Variants in FARP1 observed in about 807,000 individuals in gnomAD.
The protein encoded by FARP1 is FERM, ARHGEF and pleckstrin domain-containing protein 1.
FARP1 carries 52 observed loss-of-function variants against 128.8 expected under a neutral mutation model. That is an observed-to-expected ratio of 0.40 (90% CI 0.32 to 0.51). FARP1 has a LOEUF of 0.51. Ranked by LOEUF, FARP1 falls within the 20% of genes least tolerant of loss-of-function variation. The probability of loss-of-function intolerance (pLI) is 0.45; values close to 1 mark genes in which losing one functional copy is unlikely to be tolerated. For missense variants in FARP1, 1,333 were observed against 1,367.9 expected (o/e 0.97, Z 0.40); for synonymous variants, 580 against 551.8 (o/e 1.05, Z -0.72).
At chr13:98,444,396 C>CA (rs1892690584) in intron 24 of FARP1, among the ~76,000 whole-genome samples, 1 of 152,056 alleles carries the variant, frequency 6.6e-6, no homozygotes, top group Non-Finnish European at 1.5e-5. Context: ...GCGGTGGCCC[C>CA]AATGAAGGGC....
intron 19 of FARP1, 131 bp from the exon 20 acceptor site, chr13:98,438,673 G>A (rs539066398): frequency 9.8e-5 from 69 of 701,590 alleles, no homozygotes; most frequent in Non-Finnish European, 1.6e-4. Flanking sequence ...CTCGCAGTCC[G>A]TTCTTGGGGT....
In FARP1 at chr13:98,385,742, G is replaced by A; in HGVS notation, c.687G>A (p.Leu229=). 1.9e-6 allele frequency: 3 copies of A among 1,614,174 alleles called. No individual in the cohort carries two copies. The highest frequency in any genetic ancestry group is 2.5e-6 in the Non-Finnish European group (3 of 1,180,032). ...GGCTAGAGATGTATGGAATCCGGTT[G>A]CACCCGGCCAAGGACAGGGAAGGCA... The part of the protein sequence containing the change: ...ARRLEMYGIR[L]HPAKDREGTK... Residue 229 remains leucine (L), a synonymous_variant, in exon 8 of 27, where the codon TTG becomes TTA. Transcript: ENST00000319562.
At chr13:98,172,500 A>G (rs1389730985) in intron 1 of FARP1, among the ~76,000 whole-genome samples, 5 of 151,984 alleles carry the variant, frequency 3.3e-5, no homozygotes, top group Non-Finnish European at 7.4e-5. Flanking sequence ...CTAGCATAGC[A>G]CCCTTAAAAT....
At chr13:98,320,255 A>G (rs1055121682) in intron 2 of FARP1, among the ~76,000 whole-genome samples, 10 of 152,294 alleles carry the variant, frequency 6.6e-5, no homozygotes, top group African/African-American at 2.4e-4. Context: ...GTTCCTGAAA[A>G]GGTACCTGAT....
At chr13:98,426,401 G>A (rs923299408) in intron 17 of FARP1, among the ~76,000 whole-genome samples, 2 of 152,130 alleles carry the variant, frequency 1.3e-5, no homozygotes, top group African/African-American at 2.4e-5. Flanking sequence ...GAGGGGAGAG[G>A]ATCACTTGAG....
chr13:98,404,134 A>C (rs1353392605), intron 13 of FARP1: 1 of 152,126 alleles, frequency 6.6e-6, no homozygotes, highest in Admixed American at 6.6e-5. Context: ...TAGCACATTC[A>C]TTTTTCCATT....
intron 3 of FARP1, among the ~76,000 whole-genome samples, chr13:98,361,824 ATGT>A (rs1442758457): frequency 1.3e-5 from 2 of 151,970 alleles, no homozygotes; most frequent in Admixed American, 1.3e-4. Context: ...ATCCCTTAGG[ATGT>A]TGTTTCCATC....
chr13:98,392,499 C>T (rs1355912066), intron 11 of FARP1, among the ~76,000 whole-genome samples: 1 of 145,342 alleles, frequency 6.9e-6, no homozygotes, highest in East Asian at 1.9e-4. Flanking sequence ...AGATCCTGTC[C>T]CAAAAAAAAA....
chr13:98,210,796 G>A (rs1379409001), intron 1 of FARP1, among the ~76,000 whole-genome samples: 11 of 152,212 alleles, frequency 7.2e-5, no homozygotes, highest in South Asian at 2.1e-4. Flanking sequence ...TGATCTGCCC[G>A]CCTCAGCCTC....
At position 98,453,275 on chromosome 13, in the gene FARP1, T is replaced by G; in HGVS notation, c.*4958T>G. 2 of 1,513,506 alleles carry G rather than the reference T, an allele frequency of 1.3e-6. No individual in the cohort carries two copies. Among genetic ancestry groups the G allele is most frequent in the African/African-American group, 1.4e-5 (1 of 71,478 alleles). 93.8% of individuals were successfully genotyped at this position (1,513,506 alleles called of 1,614,324 possible). The stretch of plus-strand genomic sequence containing the variant: ...TCTCATCCCTGTGCAAAAATTCATA[T>G]AGTAACCAAAATCTTAGTTTTCATA... On this transcript the variant is annotated 3_prime_UTR_variant, in exon 27 of 27. Coordinates refer to ENST00000319562, the MANE Select transcript of FARP1 (RefSeq NM_005766.4).
At chr13:98,159,199 G>T (rs545329704) in intron 1 of FARP1, among the ~76,000 whole-genome samples, 1 of 152,278 alleles carries the variant, frequency 6.6e-6, no homozygotes, top group South Asian at 2.1e-4. Flanking sequence ...CTATTATCAT[G>T]CTAGGCACTG....
chr13:98,149,053 AT>A (rs923187529), intron 1 of FARP1, among the ~76,000 whole-genome samples: 23 of 151,846 alleles, frequency 1.5e-4, no homozygotes, highest in African/African-American at 5.5e-4. Context: ...CACTTGGCTC[AT>A]TTTTTGTATT....
chr13:98,308,490 C>T lies in FARP1; in HGVS notation c.172-35272C>T, dbSNP rs1400787895. ...AAGATGAGGTCAGAGGCTGGAGCCG[C>T]TGTCCAGGACAGCCTGACGAGCCAC... On this transcript the variant is annotated intron_variant, in intron 2 of 26. Coordinates refer to ENST00000319562, the MANE Select transcript of FARP1 (RefSeq NM_005766.4). Among the ~76,000 whole-genome samples the T allele has an allele frequency of 2.0e-5, 3 of 152,162 alleles. No homozygotes were observed. The East Asian group carries it at 5.8e-4, about 29-fold the overall frequency.
chr13:98,350,008 G>A (rs1888347943), intron 3 of FARP1, among the ~76,000 whole-genome samples: 1 of 152,284 alleles, frequency 6.6e-6, no homozygotes, highest in African/African-American at 2.4e-5. Flanking sequence ...CCTCTGAGGT[G>A]AGGAGGAGCT....
chr13:98,402,820 G>T (rs372294633), intron 13 of FARP1: 8 of 142,414 alleles, frequency 5.6e-5, no homozygotes, highest in Non-Finnish European at 9.5e-5. Flanking sequence ...CTCTCTGTGT[G>T]TATATTTAAT....
At chr13:98,171,851 CCATT>C (rs2139166382) in intron 1 of FARP1, among the ~76,000 whole-genome samples, 1 of 152,218 alleles carries the variant, frequency 6.6e-6, no homozygotes, top group East Asian at 1.9e-4. Context: ...TTTGAGTTGA[CCATT>C]CAGACTTGTG....
rs75434218 is a variant in FARP1 at position 98,150,784 on chromosome 13, G to T, written c.-24+7292G>T. ...CTATAGAGGAAGAAAAAAATTGCCTGCTTAATTTGAAAATATAAGCAAAAA... is the reference window on the plus strand; with the variant it reads ...CTATAGAGGAAGAAAAAAATTGCCTTCTTAATTTGAAAATATAAGCAAAAA... On this transcript the variant is annotated intron_variant, in intron 1 of 26. Transcript: ENST00000319562. Among the ~76,000 whole-genome samples the T allele has an allele frequency of 1.7e-3, 263 of 152,202 alleles. 1 individual carries two copies. The highest frequency in any genetic ancestry group is 6.0e-3 in the African/African-American group (249 of 41,548).
intron 2 of FARP1, among the ~76,000 whole-genome samples, chr13:98,273,421 C>CT (rs1884481702): frequency 6.6e-6 from 1 of 152,128 alleles, no homozygotes; most frequent in Non-Finnish European, 1.5e-5. Context: ...GTCAGTTGTG[C>CT]CTAAACTCCA....
At position 98,448,281 on chromosome 13, in the gene FARP1, C is replaced by G. The variant is rs375647782; in HGVS notation, c.3102C>G (p.Pro1034=). ...GTGCCACCAGCTCTGCCTCGCGACC[C>G]CACGTGTTGAGTCACAAAGAGTCTC... is the stretch of plus-strand genomic sequence containing the variant. The part of the protein sequence containing the change: ...IRSATSSASR[P]HVLSHKESLV... The change falls in exon 27 of 27, where the codon CCC becomes CCG. Residue 1034 remains proline, a synonymous_variant. Transcript: ENST00000319562. 6.2e-7 allele frequency: 1 copy of G among 1,614,176 alleles called. No individual in the cohort carries two copies. The highest frequency in any genetic ancestry group is 8.5e-7 in the Non-Finnish European group (1 of 1,179,986).
Sources: allele counts gnomAD v4.1 joint callset (sites outside exome capture counted in the v4.1 genomes callset), GRCh38; gene constraint gnomAD v4.1.1; transcripts MANE v1.5; gene names NCBI Gene and HGNC (gene_info 2026-07-23, HGNC 2026-07-21).